Variants in NFKBIZ observed in about 807,000 individuals in gnomAD.
NFKBIZ encodes NFKB inhibitor zeta.
Under a neutral mutation model 76.8 loss-of-function variants are expected in NFKBIZ, and 19 were observed. The ratio of observed to expected loss-of-function variants is 0.25; its 90% CI spans 0.17 to 0.36. The LOEUF (loss-of-function observed/expected upper bound fraction) is 0.36. Among genes scored for constraint, NFKBIZ ranks in the 10% least tolerant of loss-of-function variants. NFKBIZ has a pLI of 1.00. For synonymous variants in NFKBIZ, 368 were observed against 354.8 expected, an observed-to-expected ratio of 1.04 and a Z score of -0.42; for missense variants, 829 against 910.9, an observed-to-expected ratio of 0.91 and a Z score of 1.16.
Position 101,849,552 on chromosome 3 carries a change from A to T in NFKBIZ, c.-77A>T. Reference sequence around the variant, plus strand: ...CCGTCCGCCCGCCGACAGCTCCCTGAGCCAGCCCGGGAGGCAGCCGCGCGC... The same window carrying T: ...CCGTCCGCCCGCCGACAGCTCCCTGTGCCAGCCCGGGAGGCAGCCGCGCGC... On this transcript the variant is annotated 5_prime_UTR_variant, in exon 1 of 12. Coordinates refer to ENST00000326172, the MANE Select transcript of NFKBIZ (RefSeq NM_031419.4). 5 of 1,233,690 alleles carry T rather than the reference A, an allele frequency of 4.1e-6. No homozygotes were observed. The South Asian group carries it at 1.0e-4, about 25-fold the overall frequency. 76.4% of individuals were successfully genotyped at this position (1,233,690 alleles called of 1,614,324 possible).
chr3:101,839,068 T>TTAATA (rs1942757434), intron 2 of NFKBIZ, among the ~76,000 whole-genome samples: 1 of 152,184 alleles, frequency 6.6e-6, no homozygotes, highest in Admixed American at 6.5e-5. Context: ...TTTGTTGGTA[T>TTAATA]TAATATATGT....
intron 2 of NFKBIZ, chr3:101,829,824 A>G (rs1942622277): frequency 1.3e-5 from 2 of 152,094 alleles, no homozygotes; most frequent in South Asian, 4.1e-4. Flanking sequence ...CTACAAAATT[A>G]CTATGAATTT....
At chr3:101,833,311 T>G (rs1942673064) in intron 2 of NFKBIZ, among the ~76,000 whole-genome samples, 1 of 152,186 alleles carries the variant, frequency 6.6e-6, no homozygotes, top group Admixed American at 6.5e-5. Context: ...GAGGACACTT[T>G]GAAGATAGGA....
intron 2 of NFKBIZ, among the ~76,000 whole-genome samples, chr3:101,840,388 G>T (rs1459760445): frequency 6.6e-6 from 1 of 152,206 alleles, no homozygotes; most frequent in Middle Eastern, 3.2e-3. Flanking sequence ...CTTGTTTCAT[G>T]TGGATGTTTT....
chr3:101,848,481 C>T (rs1196035553), upstream of NFKBIZ, among the ~76,000 whole-genome samples: 2 of 152,222 alleles, frequency 1.3e-5, no homozygotes, highest in African/African-American at 4.8e-5. Context: ...CCTGTTGTTT[C>T]TCCTTTTAGG....
intron 2 of NFKBIZ, among the ~76,000 whole-genome samples, chr3:101,842,660 A>T (rs1942801858): frequency 6.7e-6 from 1 of 149,056 alleles, no homozygotes. Context: ...GCCCAAGACA[A>T]TTCTTCTTCC....
chr3:101,830,675 G>A (rs968427151), intron 2 of NFKBIZ, among the ~76,000 whole-genome samples: 1 of 152,172 alleles, frequency 6.6e-6, no homozygotes, highest in Non-Finnish European at 1.5e-5. Flanking sequence ...TTATGGCTGT[G>A]TAGATTTCCA....
intron 6 of NFKBIZ, 134 bp downstream of exon 6, chr3:101,854,817 C>G: frequency 2.6e-6 from 2 of 759,006 alleles, no homozygotes; most frequent in South Asian, 3.8e-5. Context: ...GAGATGTTGA[C>G]TTTTTGCTAC....
At chr3:101,831,396 G>A (rs1442636335) in intron 2 of NFKBIZ, among the ~76,000 whole-genome samples, 1 of 152,198 alleles carries the variant, frequency 6.6e-6, no homozygotes, top group Admixed American at 6.5e-5. Flanking sequence ...GAAAGGTTGA[G>A]ACATGTCATT....
At chr3:101,828,571 GA>G (rs1470156604) in intron 1 of NFKBIZ, among the ~76,000 whole-genome samples, 5 of 152,192 alleles carry the variant, frequency 3.3e-5, no homozygotes, top group Admixed American at 1.3e-4. Flanking sequence ...GGGTTTAGAG[GA>G]GTACTTTCCC....
rs146586530 is a variant in NFKBIZ, at chr3:101,850,719, C to G, written c.289+802C>G. 2.5e-3 allele frequency among the ~76,000 whole-genome samples: 377 copies of G among 152,318 alleles called. 2 individuals are homozygous for G. The highest frequency in any genetic ancestry group is 7.1e-3 in the African/African-American group (295 of 41,568). On this transcript the variant is annotated intron_variant, in intron 1 of 11. Transcript: ENST00000326172. ...TAATTAGCATGATTTTAAAGAACGT[C>G]TCTTTCCGGTGTTTCCCACTCTTAG... is the stretch of plus-strand genomic sequence containing the variant.
chr3:101,847,035 A>G (rs1942861305), upstream of NFKBIZ, among the ~76,000 whole-genome samples: 1 of 152,268 alleles, frequency 6.6e-6, no homozygotes, highest in Non-Finnish European at 1.5e-5. Context: ...CAGCTCAAGA[A>G]GATAGCTTCA....
intron 2 of NFKBIZ, among the ~76,000 whole-genome samples, chr3:101,843,544 T>G (rs1185450410): frequency 6.6e-6 from 1 of 152,266 alleles, no homozygotes; most frequent in African/African-American, 2.4e-5. Flanking sequence ...AATAGCTTAA[T>G]AGTCTTTTCA....
rs35824432 is a variant in NFKBIZ, at chr3:101,843,020, TAAAA to T, written c.-11-9040_-11-9037del. Among the ~76,000 whole-genome samples, 21 of 66,464 alleles carry T rather than the reference TAAAA, an allele frequency of 3.2e-4. No homozygotes were observed. In the South Asian group the frequency reaches 4.2e-3, roughly 13 times the overall value. The allele number at this position is 66,464 out of a possible 152,430, so 43.6% of individuals were successfully genotyped here. ...ATTTATTTTTAAAAACTGTATTTTC[TAAAA>T]AAAAAAAAAAAAAAAAAAAAAAAAC... On this transcript the variant is annotated intron_variant, in intron 2 of 12. Coordinates refer to the NFKBIZ transcript ENST00000394054.
At chr3:101,853,927 A>T in intron 5 of NFKBIZ, 64 bp downstream of exon 5, 1 of 1,499,344 alleles carries the variant, frequency 6.7e-7, no homozygotes, top group Non-Finnish European at 9.1e-7. Flanking sequence ...TAGTGAGCAT[A>T]TAATTTTTCT....
At chr3:101,858,354 A>AACT (rs1943082312) in intron 11 of NFKBIZ, 1 of 974,572 alleles carries the variant, frequency 1.0e-6, no homozygotes. Flanking sequence ...TAGTTAGAAG[A>AACT]ACTTTACAAG....
At chr3:101,840,700 A>G (rs1454099014) in intron 2 of NFKBIZ, among the ~76,000 whole-genome samples, 2 of 152,242 alleles carry the variant, frequency 1.3e-5, no homozygotes, top group African/African-American at 4.8e-5. Flanking sequence ...GGGTCTGTTT[A>G]TAAGGCATCT....
intron 2 of NFKBIZ, among the ~76,000 whole-genome samples, chr3:101,841,896 T>G (rs2107402302): frequency 6.6e-6 from 1 of 152,330 alleles, no homozygotes; most frequent in South Asian, 2.1e-4. Flanking sequence ...TGTACGGTAT[T>G]GACATAAAAT....
intron 11 of NFKBIZ, 69 bp from the exon 12 acceptor site, chr3:101,859,249 C>A: frequency 8.0e-7 from 1 of 1,254,876 alleles, no homozygotes; most frequent in Non-Finnish European, 1.2e-6. Context: ...AGGAATGAAA[C>A]TCAGAAGGAA....
Sources: allele counts gnomAD v4.1 joint callset (sites outside exome capture counted in the v4.1 genomes callset), GRCh38; gene constraint gnomAD v4.1.1; transcripts MANE v1.5; gene names NCBI Gene and HGNC (gene_info 2026-07-23, HGNC 2026-07-21).